The following MAPKAP1 variants were observed in gnomAD, a reference collection of about 807,000 sequenced individuals.
MAPKAP1 encodes the protein MAPK associated protein 1, also known as target of rapamycin complex 2 subunit MAPKAP1.
A neutral mutation model predicts 65.7 loss-of-function variants in MAPKAP1; 20 were observed. The ratio of observed to expected loss-of-function variants is 0.30; its 90% CI spans 0.21 to 0.44. The LOEUF (loss-of-function observed/expected upper bound fraction) is 0.44. MAPKAP1 is among the 20% of genes least tolerant of loss of function. MAPKAP1 has a pLI of 1.00. For missense variants in MAPKAP1, 423 were observed against 648.0 expected, an observed-to-expected ratio of 0.65 and a Z score of 3.77; for synonymous variants, 222 against 244.3, an observed-to-expected ratio of 0.91 and a Z score of 0.85.
chr9:125,525,023 T>C (rs1417914004), intron 7 of MAPKAP1, among the ~76,000 whole-genome samples: 3 of 152,230 alleles, frequency 2.0e-5, no homozygotes, highest in Non-Finnish European at 2.9e-5. Context: ...CGCAGACAGA[T>C]GCACACATTC....
intron 10 of MAPKAP1, among the ~76,000 whole-genome samples, chr9:125,455,079 CAT>C (rs1295780294): frequency 1.3e-5 from 2 of 151,520 alleles, no homozygotes; most frequent in African/African-American, 2.4e-5. Context: ...AATGAGAAAA[CAT>C]AGACATTTAA....
chr9:125,458,018 C>T (rs377713949), intron 10 of MAPKAP1, among the ~76,000 whole-genome samples: 8 of 152,186 alleles, frequency 5.3e-5, no homozygotes, highest in Non-Finnish European at 8.8e-5. Flanking sequence ...TTCTCTCTTC[C>T]TGCGAAAATC....
At chr9:125,578,296 A>G (rs1831511261) in intron 5 of MAPKAP1, among the ~76,000 whole-genome samples, 2 of 151,872 alleles carry the variant, frequency 1.3e-5, no homozygotes, top group Admixed American at 6.5e-5. Context: ...AACACTGCGG[A>G]AGGCCGCAGG....
chr9:125,618,585 C>A (rs914939836), intron 4 of MAPKAP1, among the ~76,000 whole-genome samples: 9 of 151,920 alleles, frequency 5.9e-5, no homozygotes, highest in African/African-American at 2.2e-4. Flanking sequence ...TTGTAAAGCA[C>A]TAATTATTTT....
chr9:125,577,116 G>A (rs1406737977), intron 5 of MAPKAP1, among the ~76,000 whole-genome samples: 1 of 151,772 alleles, frequency 6.6e-6, no homozygotes, highest in Non-Finnish European at 1.5e-5. Context: ...GAAGTGAGGA[G>A]CGTCTCTGCC....
At chr9:125,479,609 A>G (rs554453951) in intron 9 of MAPKAP1, among the ~76,000 whole-genome samples, 168 of 152,168 alleles carry the variant, frequency 1.1e-3, no homozygotes, top group African/African-American at 3.9e-3. Context: ...CTGGTGGAAA[A>G]TCGACTTAAG....
chr9:125,610,577 C>A (rs76879782), intron 4 of MAPKAP1, among the ~76,000 whole-genome samples: 1 of 152,032 alleles, frequency 6.6e-6, no homozygotes, highest in Non-Finnish European at 1.5e-5. Flanking sequence ...TCCTCACAAC[C>A]CACCACCACC....
At chr9:125,552,378 G>A (rs754319385) in intron 6 of MAPKAP1, among the ~76,000 whole-genome samples, 3 of 152,018 alleles carry the variant, frequency 2.0e-5, no homozygotes, top group South Asian at 2.1e-4. Flanking sequence ...CCAATTTCAC[G>A]TTCCCTCCAC....
rs1368705007 is a variant in MAPKAP1 at position 125,469,352 on chromosome 9, C to T, written c.1208-1243G>A. On this transcript the variant is annotated intron_variant, in intron 9 of 11. Transcript: ENST00000265960. ...ATAAAAGAAACAGTTCAATTAACCTCCCCCCAAAATAAAACACACACACAC... is the reference window on the plus strand; with the variant it reads ...ATAAAAGAAACAGTTCAATTAACCTTCCCCCAAAATAAAACACACACACAC... 3.9e-5 allele frequency among the ~76,000 whole-genome samples: 6 copies of T among 152,176 alleles called. No individual in the cohort carries two copies. In the East Asian group the frequency reaches 9.7e-4, roughly 24 times the overall value.
At chr9:125,615,650 T>C (rs1313591359) in intron 4 of MAPKAP1, among the ~76,000 whole-genome samples, 1 of 151,402 alleles carries the variant, frequency 6.6e-6, no homozygotes, top group Non-Finnish European at 1.5e-5. Context: ...CAGTGGTTCA[T>C]GTCTGTAATC....
chr9:125,618,577 G>C (rs1260356654), intron 4 of MAPKAP1, among the ~76,000 whole-genome samples: 1 of 152,050 alleles, frequency 6.6e-6, no homozygotes, highest in Non-Finnish European at 1.5e-5. Flanking sequence ...ATGGTGTATT[G>C]TAAAGCACTA....
At chr9:125,566,963 T>TC (rs1179923610) in intron 5 of MAPKAP1, among the ~76,000 whole-genome samples, 1 of 152,078 alleles carries the variant, frequency 6.6e-6, no homozygotes, top group Non-Finnish European at 1.5e-5. Flanking sequence ...CCCCTATCCC[T>TC]CCTAGTCACA....
chr9:125,643,496 A>C (rs1833639016), intron 4 of MAPKAP1, among the ~76,000 whole-genome samples: 2 of 152,170 alleles, frequency 1.3e-5, no homozygotes, highest in South Asian at 4.1e-4. Context: ...CGCCTGGCCT[A>C]TACATGCTAT....
At chr9:125,684,699 C>A (rs556481893) in intron 1 of MAPKAP1, among the ~76,000 whole-genome samples, 1 of 152,272 alleles carries the variant, frequency 6.6e-6, no homozygotes, top group Admixed American at 6.5e-5. Flanking sequence ...GTCTGAGAAG[C>A]CTTTTCACCC....
chr9:125,508,861 T>A (rs956697482), intron 7 of MAPKAP1, among the ~76,000 whole-genome samples: 13 of 151,970 alleles, frequency 8.6e-5, no homozygotes, highest in African/African-American at 3.1e-4. Flanking sequence ...ATAGCCCAAA[T>A]TTAGGAACAA....
intron 4 of MAPKAP1, among the ~76,000 whole-genome samples, chr9:125,636,588 C>T (rs1228810011): frequency 6.6e-6 from 1 of 152,190 alleles, no homozygotes; most frequent in Non-Finnish European, 1.5e-5. Flanking sequence ...AAATAATGAA[C>T]ACAGGGCAGG....
intron 4 of MAPKAP1, among the ~76,000 whole-genome samples, chr9:125,656,963 A>G (rs759218715): frequency 3.6e-4 from 55 of 152,202 alleles, no homozygotes; most frequent in Non-Finnish European, 6.5e-4. Flanking sequence ...ACTTAGCACA[A>G]ACAGGCAAAA....
intron 1 of MAPKAP1, among the ~76,000 whole-genome samples, chr9:125,702,056 A>G (rs2131883247): frequency 6.6e-6 from 1 of 152,288 alleles, no homozygotes; most frequent in South Asian, 2.1e-4. Flanking sequence ...CAGCCCACAA[A>G]TATGTTTTGA....
chr9:125,507,987 C>G lies in MAPKAP1; in HGVS notation c.959-1570G>C, dbSNP rs117296701. On this transcript the variant is annotated intron_variant, in intron 7 of 11. Transcript: ENST00000265960. ...GAGTTCGAGACCAGCCTGGGCCACA[C>G]AGTAACAACAACAACAATAAAAATT... Among the ~76,000 whole-genome samples, 477 of 152,094 alleles carry G rather than the reference C, an allele frequency of 3.1e-3. 2 individuals carry two copies. Among genetic ancestry groups the G allele is most frequent in the Middle Eastern group, 6.8e-3 (2 of 294 alleles).
Sources: allele counts gnomAD v4.1 joint callset (sites outside exome capture counted in the v4.1 genomes callset), GRCh38; gene constraint gnomAD v4.1.1; transcripts MANE v1.5; gene names NCBI Gene and HGNC (gene_info 2026-07-23, HGNC 2026-07-21).